Variants in IL11 observed in about 807,000 individuals in gnomAD.
The protein encoded by IL11 is interleukin 11.
A neutral mutation model predicts 18.1 loss-of-function variants in IL11; 17 were observed. The ratio of observed to expected loss-of-function variants is 0.94; its 90% CI spans 0.64 to 1.41. IL11 has a LOEUF of 1.41. Among genes scored for constraint, IL11 ranks in the 40% most tolerant of loss-of-function variants. The probability of loss-of-function intolerance (pLI) is 0.00; values close to 1 mark genes in which losing one functional copy is unlikely to be tolerated. For synonymous variants in IL11, 144 were observed against 134.1 expected (o/e 1.07, Z -0.51); for missense variants, 309 against 262.8 (o/e 1.18, Z -1.22).
chr19:55,368,696 G>A, intron 2 of IL11, 73 bp downstream of exon 2: 1 of 1,504,466 alleles, frequency 6.6e-7, no homozygotes, highest in South Asian at 1.3e-5. Flanking sequence ...CCCTCCAAGT[G>A]GCTGCCCGCA....
Position 55,368,823 on chromosome 19 carries a change from G to T in IL11, c.126C>A (p.Thr42=). The part of the protein sequence containing the change: ...SPDPRAELDS[T]VLLTRSLLAD... Reference sequence around the variant, plus strand: ...CCAGGAGAGAGCGGGTCAGGAGCACGGTGCTGTCCAGCTCGGCCCGAGGGT... The same window carrying T: ...CCAGGAGAGAGCGGGTCAGGAGCACTGTGCTGTCCAGCTCGGCCCGAGGGT... The change falls in exon 2 of 5, where the codon ACC becomes ACA. Residue 42 remains threonine, a synonymous_variant. Coordinates refer to ENST00000264563, the MANE Select transcript of IL11 (RefSeq NM_000641.4). 6.3e-7 allele frequency: 1 copy of T among 1,592,982 alleles called. No individual in the cohort carries two copies. Among genetic ancestry groups the T allele is most frequent in the East Asian group, 2.3e-5 (1 of 44,200 alleles).
Position 55,368,577 on chromosome 19 carries a change from G to T in IL11, c.181-8C>A, listed in dbSNP as rs766441538. ...AGCTGGGAATTTGTCCCTCTGGCAGGGAAAAAAGCTGTGAGGTGGCCCCTG... is the reference window on the plus strand; with the variant it reads ...AGCTGGGAATTTGTCCCTCTGGCAGTGAAAAAAGCTGTGAGGTGGCCCCTG... On this transcript the variant is annotated splice_region_variant and splice_polypyrimidine_tract_variant and intron_variant, in intron 2 of 4. Coordinates refer to ENST00000264563, the MANE Select transcript of IL11 (RefSeq NM_000641.4). The T allele has an allele frequency of 1.9e-6, 3 of 1,607,690 alleles. No homozygotes were observed. In the Admixed American group the frequency reaches 5.1e-5, roughly 27 times the overall value.
In IL11 at chr19:55,366,014, C is replaced by A; in HGVS notation, c.593G>T (p.Arg198Leu). 1 of 1,603,186 alleles carries A rather than the reference C, an allele frequency of 6.2e-7. No individual in the cohort carries two copies. The highest frequency in any genetic ancestry group is 8.5e-7 in the Non-Finnish European group (1 of 1,176,106). The change falls in exon 5 of 5, where the codon CGG becomes CTG. Residue 198 changes from arginine (R) to leucine (L), a missense_variant. By Grantham distance (102) the Arg-to-Leu change is moderately radical. Coordinates refer to ENST00000264563, the MANE Select transcript of IL11 (RefSeq NM_000641.4). This position sits in a 1 kb window ranked among gnomAD's most constrained non-coding sequence, Gnocchi z 4.6. ...GTGGCTTTGGGCCCCGGGTCACAGC[C>A]GAGTCTTCAGCAGCAGCAGTCCCCT... ...AVRGLLLLKT[R>L]L
Position 55,365,694 on chromosome 19 carries a change from T to C in IL11, c.*313A>G, listed in dbSNP as rs1393905832. On this transcript the variant is annotated 3_prime_UTR_variant, in exon 5 of 5. Coordinates refer to ENST00000264563, the MANE Select transcript of IL11 (RefSeq NM_000641.4). ...AGTAATTGCTTAAATAAATAATATA[T>C]GTTCCTGCCCAGGCCTAGATGGGGA... The C allele has an allele frequency of 8.3e-6, 3 of 360,746 alleles. No individual in the cohort carries two copies. The highest frequency in any genetic ancestry group is 1.5e-5 in the Non-Finnish European group (3 of 200,866). The allele number at this position is 360,746 out of a possible 1,614,324, so 22.3% of individuals were successfully genotyped here. A position where few individuals can be genotyped will look rare whatever the true frequency, so the allele number is the denominator to read the frequency against.
In IL11 at chr19:55,365,094, C is replaced by T. The variant is rs899611379; in HGVS notation, c.*913G>A. 3.9e-5 allele frequency: 6 copies of T among 152,294 alleles called. No individual in the cohort carries two copies. Among genetic ancestry groups the T allele is most frequent in the Middle Eastern group, 3.4e-3 (1 of 294 alleles). The allele number at this position is 152,294 out of a possible 1,614,324, so 9.4% of individuals were successfully genotyped here. On this transcript the variant is annotated 3_prime_UTR_variant, in exon 5 of 5. Transcript: ENST00000264563. ...GTGGCTCACACCTGTAATCCCAGCACTTTGGGAGGCCGAGGCAGGAGGATC... is the reference window on the plus strand; with the variant it reads ...GTGGCTCACACCTGTAATCCCAGCATTTTGGGAGGCCGAGGCAGGAGGATC...
Position 55,369,215 on chromosome 19 carries a change from G to A in IL11, c.8-274C>T. 2 of 302,692 alleles carry A rather than the reference G, an allele frequency of 6.6e-6. No homozygotes were observed. The highest frequency in any genetic ancestry group is 1.2e-5 in the Non-Finnish European group (2 of 163,942). The allele number at this position is 302,692 out of a possible 1,614,324, so 18.8% of individuals were successfully genotyped here. On this transcript the variant is annotated intron_variant, in intron 1 of 4. Coordinates refer to ENST00000264563, the MANE Select transcript of IL11 (RefSeq NM_000641.4). This position sits in a 1 kb window ranked among gnomAD's most constrained non-coding sequence, Gnocchi z 6.1. ...TCTTAAGTCCCAGGGTGGAACGCCC[G>A]CGGGCAGGTCGCAGGGCCAGGCGGG... is the stretch of plus-strand genomic sequence containing the variant.
In IL11 at chr19:55,365,797, AC is replaced by A; in HGVS notation, c.*209del. ...GACCCCAGTCCCCTCCTCCTCGGGG[AC>A]CCAGGAGTCCACCTGCCTCCCACCC... On this transcript the variant is annotated 3_prime_UTR_variant, in exon 5 of 5. Coordinates refer to ENST00000264563, the MANE Select transcript of IL11 (RefSeq NM_000641.4). 1.4e-6 allele frequency: 1 copy of A among 697,274 alleles called. No homozygotes were observed. The highest frequency in any genetic ancestry group is 2.0e-5 in the South Asian group (1 of 50,200). 43.2% of individuals were successfully genotyped at this position (697,274 alleles called of 1,614,324 possible).
At position 55,369,737 on chromosome 19, in the gene IL11, G is replaced by T. The variant is rs879750959; in HGVS notation, c.7+567C>A. The stretch of plus-strand genomic sequence containing the variant: ...CAATCAGCGCTCCCCGGCCGCCCGC[G>T]CCTCGCACACCCCCAGCCCGCCCCC... On this transcript the variant is annotated intron_variant, in intron 1 of 4. Transcript: ENST00000264563. The surrounding 1 kb of genome is among the most constrained non-coding windows in gnomAD (Gnocchi z 6.1). Among the ~76,000 whole-genome samples, 1 of 135,984 alleles carries T rather than the reference G, an allele frequency of 7.4e-6. No homozygotes were observed. Among genetic ancestry groups the T allele is most frequent in the Non-Finnish European group, 1.6e-5 (1 of 63,532 alleles). The allele number at this position is 135,984 out of a possible 152,430, so 89.2% of individuals were successfully genotyped here.
chr19:55,366,128 G>C lies in IL11; in HGVS notation c.479C>G (p.Pro160Arg). ...PQPPPDPPAP[P>R]LAPPSSAWGG... ...CCAGGCTGAGGAGGGGGGCGCCAGC[G>C]GGGGCGCCGGCGGGTCCGGGGGTGG... Residue 160 changes from proline to arginine, a missense_variant, in exon 5 of 5, where the codon CCG becomes CGG. By Grantham distance (103) the Pro-to-Arg change is moderately radical. Transcript: ENST00000264563. The surrounding 1 kb of genome is among the most constrained non-coding windows in gnomAD (Gnocchi z 4.6). The C allele has an allele frequency of 6.5e-7, 1 of 1,532,598 alleles. No homozygotes were observed. The highest frequency in any genetic ancestry group is 8.8e-7 in the Non-Finnish European group (1 of 1,138,926). The allele number at this position is 1,532,598 out of a possible 1,614,324, so 94.9% of individuals were successfully genotyped here. A position where few individuals can be genotyped will look rare whatever the true frequency, so the allele number is the denominator to read the frequency against.
At position 55,365,656 on chromosome 19, in the gene IL11, C is replaced by T; in HGVS notation, c.*351G>A. ...GGCTTCCCTTTCCCCTCCGTCCCCACCCCAACATGAAAAGTAATTGCTTAA... is the reference window on the plus strand; with the variant it reads ...GGCTTCCCTTTCCCCTCCGTCCCCATCCCAACATGAAAAGTAATTGCTTAA... On this transcript the variant is annotated 3_prime_UTR_variant, in exon 5 of 5. Transcript: ENST00000264563. 1 of 247,588 alleles carries T rather than the reference C, an allele frequency of 4.0e-6. No individual in the cohort carries two copies. Among genetic ancestry groups the T allele is most frequent in the South Asian group, 6.4e-5 (1 of 15,548 alleles). The allele number at this position is 247,588 out of a possible 1,614,324, so 15.3% of individuals were successfully genotyped here.
At chr19:55,370,084 C>T (rs1244769887) in intron 1 of IL11, among the ~76,000 whole-genome samples, 1 of 152,162 alleles carries the variant, frequency 6.6e-6, no homozygotes, top group Non-Finnish European at 1.5e-5. Context: ...GCCCGTCCCT[C>T]CTGCGGCGCC....
Position 55,369,211 on chromosome 19 carries a change from G to A in IL11, c.8-270C>T. 3.2e-6 allele frequency: 1 copy of A among 308,848 alleles called. No homozygotes were observed. Among genetic ancestry groups the A allele is most frequent in the East Asian group, 5.1e-5 (1 of 19,448 alleles). 19.1% of individuals were successfully genotyped at this position (308,848 alleles called of 1,614,324 possible). The stretch of plus-strand genomic sequence containing the variant: ...GAGGTCTTAAGTCCCAGGGTGGAAC[G>A]CCCGCGGGCAGGTCGCAGGGCCAGG... On this transcript the variant is annotated intron_variant, in intron 1 of 4. Coordinates refer to ENST00000264563, the MANE Select transcript of IL11 (RefSeq NM_000641.4). This position sits in a 1 kb window ranked among gnomAD's most constrained non-coding sequence, Gnocchi z 6.1.
Position 55,370,439 on chromosome 19 carries a change from C to T in IL11, c.-129G>A, listed in dbSNP as rs2089816071. 6.2e-6 allele frequency: 3 copies of T among 481,256 alleles called. No individual in the cohort carries two copies. In the East Asian group the frequency reaches 1.5e-4, roughly 24 times the overall value. The allele number at this position is 481,256 out of a possible 1,614,324, so 29.8% of individuals were successfully genotyped here. A position where few individuals can be genotyped will look rare whatever the true frequency, so the allele number is the denominator to read the frequency against. On this transcript the variant is annotated 5_prime_UTR_variant, in exon 1 of 5. Coordinates refer to ENST00000264563, the MANE Select transcript of IL11 (RefSeq NM_000641.4). ...GCGGCCTGGGGAGGGGAGGCATGTG[C>T]CCTGAGCAGCAGGGCCGCGGCAGTG... is the stretch of plus-strand genomic sequence containing the variant.
rs1825947011 is a variant in IL11 at position 55,369,761 on chromosome 19, C to G, written c.7+543G>C. Among the ~76,000 whole-genome samples the G allele has an allele frequency of 6.6e-6, 1 of 150,704 alleles. No individual in the cohort carries two copies. Among genetic ancestry groups the G allele is most frequent in the African/African-American group, 2.4e-5 (1 of 41,242 alleles). ...CGCCTCGCACACCCCCAGCCCGCCCCCCGGGCCCGCCAGCCGTCGGTCTGT... is the reference window on the plus strand; with the variant it reads ...CGCCTCGCACACCCCCAGCCCGCCCGCCGGGCCCGCCAGCCGTCGGTCTGT... On this transcript the variant is annotated intron_variant, in intron 1 of 4. Coordinates refer to ENST00000264563, the MANE Select transcript of IL11 (RefSeq NM_000641.4). This position sits in a 1 kb window ranked among gnomAD's most constrained non-coding sequence, Gnocchi z 6.1.
chr19:55,368,641 C>T (rs1480926753), intron 2 of IL11, 72 bp from the exon 3 acceptor site: 2 of 1,501,308 alleles, frequency 1.3e-6, no homozygotes, highest in African/African-American at 2.8e-5. Context: ...ACGCCAGGCC[C>T]CCAACTCTTC....
chr19:55,369,958 C>T lies in IL11; in HGVS notation c.7+346G>A, dbSNP rs1045573642. 1.3e-5 allele frequency among the ~76,000 whole-genome samples: 2 copies of T among 152,014 alleles called. No individual in the cohort carries two copies. Among genetic ancestry groups the T allele is most frequent in the Non-Finnish European group, 2.9e-5 (2 of 67,970 alleles). On this transcript the variant is annotated intron_variant, in intron 1 of 4. Coordinates refer to ENST00000264563, the MANE Select transcript of IL11 (RefSeq NM_000641.4). The surrounding 1 kb of genome is among the most constrained non-coding windows in gnomAD (Gnocchi z 6.1). ...CCGGAATCCCAGGGAGTCTCCCGGT[C>T]CCCGCGGGCTCCCTGGGGCCTGGGT...
rs368133522 is a variant in IL11 at position 55,368,959 on chromosome 19, C to T, written c.8-18G>A. Reference sequence around the variant, plus strand: ...GCAAACACCTGGGGGCAGGATAAGGCAGAGAGCTCAGGCTGGACTCCGGGT... The same window carrying T: ...GCAAACACCTGGGGGCAGGATAAGGTAGAGAGCTCAGGCTGGACTCCGGGT... On this transcript the variant is annotated intron_variant, in intron 1 of 4. Coordinates refer to ENST00000264563, the MANE Select transcript of IL11 (RefSeq NM_000641.4). The T allele has an allele frequency of 2.2e-5, 33 of 1,478,208 alleles. No homozygotes were observed. The African/African-American group carries it at 4.2e-4, about 19-fold the overall frequency. 91.6% of individuals were successfully genotyped at this position (1,478,208 alleles called of 1,614,324 possible).
In IL11 at chr19:55,368,322, C is replaced by A; in HGVS notation, c.317G>T (p.Arg106Leu). The A allele has an allele frequency of 6.3e-7, 1 of 1,597,296 alleles. No homozygotes were observed. The highest frequency in any genetic ancestry group is 8.5e-7 in the Non-Finnish European group (1 of 1,171,380). The change falls in exon 4 of 5, where the codon CGG becomes CTG. Residue 106 changes from arginine to leucine, a missense_variant. Physicochemically the swap from Arg to Leu is moderately radical, Grantham distance 102. Coordinates refer to ENST00000264563, the MANE Select transcript of IL11 (RefSeq NM_000641.4). ...TGCCCGGCGCAGCCACTGCACGTGC[C>A]GCAGGTAGGACAGTAGGTCCGCTCG... Reference protein sequence around the residue: ...RLRADLLSYLRHVQWLRRAGG... With the variant: ...RLRADLLSYLLHVQWLRRAGG...
Position 55,370,460 on chromosome 19 carries a change from C to A in IL11, c.-150G>T, listed in dbSNP as rs970674909. 1.4e-4 allele frequency: 17 copies of A among 120,746 alleles called. No individual in the cohort carries two copies. The highest frequency in any genetic ancestry group is 5.5e-3 in the Middle Eastern group (1 of 182). The allele number at this position is 120,746 out of a possible 1,614,324, so 7.5% of individuals were successfully genotyped here. Reference sequence around the variant, plus strand: ...TGTGCCCTGAGCAGCAGGGCCGCGGCAGTGAGGGAGTGTGGACGCCTGGGG... The same window carrying A: ...TGTGCCCTGAGCAGCAGGGCCGCGGAAGTGAGGGAGTGTGGACGCCTGGGG... On this transcript the variant is annotated 5_prime_UTR_variant, in exon 1 of 5. Coordinates refer to ENST00000264563, the MANE Select transcript of IL11 (RefSeq NM_000641.4).
Sources: gnomAD v4.1 joint callset for allele counts (sites outside exome capture counted in the v4.1 genomes callset) on GRCh38, gnomAD v4.1.1 for gene constraint, Gnocchi (gnomAD v3.1) non-coding constraint, MANE v1.5 for transcripts, NCBI Gene and HGNC (gene_info 2026-07-23, HGNC 2026-07-21) for gene names.